The following MAGEA11 variants were observed in gnomAD, a reference collection of about 807,000 sequenced individuals.
MAGEA11 encodes the protein MAGE family member A11, also known as melanoma-associated antigen 11.
A neutral mutation model predicts 8.4 loss-of-function variants in MAGEA11; 1 was observed. That is an observed-to-expected ratio of 0.12 (90% CI 0.04 to 0.57). MAGEA11 has a LOEUF of 0.57. Among genes scored for constraint, MAGEA11 ranks in the 20% least tolerant of loss-of-function variants. MAGEA11 has a pLI of 0.91. For missense variants in MAGEA11, 209 were observed against 317.3 expected (o/e 0.66, Z 2.59); for synonymous variants, 127 against 119.3 (o/e 1.06, Z -0.42).
chrX:149,699,263 A>G (rs1481942769), intron 1 of MAGEA11, among the ~76,000 whole-genome samples: 1 of 111,884 alleles, frequency 8.9e-6, no homozygotes, highest in Non-Finnish European at 1.9e-5. Context: ...TTTTGGGCAG[A>G]TCTCACAAAG....
At chrX:149,691,138 C>T (rs1300118035) in intron 1 of MAGEA11, among the ~76,000 whole-genome samples, 1 of 110,545 alleles carries the variant, frequency 9.0e-6, no homozygotes, top group Non-Finnish European at 1.9e-5. Context: ...CTTGGTATAC[C>T]TTTATACATG....
exon 1 of MAGEA11, chrX:149,688,963 G>T: frequency 9.7e-7 from 1 of 1,027,010 alleles, no homozygotes; most frequent in Non-Finnish European, 1.3e-6. Flanking sequence ...ATTGATACAG[G>T]CTAGGAATAC....
intron 1 of MAGEA11, among the ~76,000 whole-genome samples, chrX:149,689,146 C>T (rs1347436054): frequency 8.9e-6 from 1 of 111,949 alleles, no homozygotes; most frequent in African/African-American, 3.3e-5. Flanking sequence ...CAACAGAGAA[C>T]CTGTGTCCTG....
In MAGEA11 at chrX:149,715,874, G is replaced by A. The variant is rs61737275; in HGVS notation, c.388G>A (p.Glu130Lys). 1.4e-3 allele frequency: 1,692 copies of A among 1,209,650 alleles called. 20 individuals carry two copies. In the African/African-American group the frequency reaches 0.026, roughly 18 times the overall value. ...CKPEEGLQAQ[E>K]EDLGLVGAQA... is the part of the protein sequence containing the mutation. ...GCCTGAGGAAGGCCTTCAGGCCCAAGAAGAAGACCTGGGCCTGGTGGGTGC... is the reference window on the plus strand; with the variant it reads ...GCCTGAGGAAGGCCTTCAGGCCCAAAAAGAAGACCTGGGCCTGGTGGGTGC... Residue 130 changes from glutamate (E) to lysine (K), a missense_variant, in exon 5 of 5, where the codon GAA (glutamate) becomes AAA (lysine). Glu to Lys is a moderately conservative substitution (Grantham distance 56). Coordinates refer to ENST00000355220, the MANE Select transcript of MAGEA11 (RefSeq NM_005366.5).
intron 1 of MAGEA11, among the ~76,000 whole-genome samples, chrX:149,696,080 G>A (rs1265661457): frequency 9.0e-6 from 1 of 111,050 alleles, no homozygotes; most frequent in African/African-American, 3.3e-5. Flanking sequence ...GGCTGAGTGG[G>A]GCCTGAGATG....
At chrX:149,701,269 G>A (rs1343050478) in intron 1 of MAGEA11, among the ~76,000 whole-genome samples, 23 of 104,757 alleles carry the variant, frequency 2.2e-4, no homozygotes, top group African/African-American at 8.0e-4. Flanking sequence ...TAACTGGTGT[G>A]AGATGGTATC....
chrX:149,699,649 C>T (rs1210715293), intron 1 of MAGEA11, among the ~76,000 whole-genome samples: 2 of 111,699 alleles, frequency 1.8e-5, no homozygotes, highest in Middle Eastern at 4.6e-3. Flanking sequence ...GTGTTCCCAA[C>T]TTGAGAAGGC....
Position 149,713,185 on chromosome X carries a change from G to A in MAGEA11, c.26G>A (p.Gly9Asp). 8.3e-7 allele frequency: 1 copy of A among 1,208,251 alleles called. No individual in the cohort carries two copies. Among genetic ancestry groups the A allele is most frequent in the Non-Finnish European group, 1.1e-6 (1 of 893,791 alleles). The change falls in exon 2 of 5, where the codon GGT (glycine) becomes GAT (aspartate). Residue 9 changes from glycine (G) to aspartate (D), a missense_variant. By Grantham distance (94) the Gly-to-Asp change is moderately conservative (BLOSUM62 -1). Around this residue, in one of 2 missense-constraint regions of MAGEA11, gnomAD observed 131 missense variants for 138.5 expected, o/e 0.95. Coordinates refer to ENST00000355220, the MANE Select transcript of MAGEA11 (RefSeq NM_005366.5). METQFRRG[G>D]LGCSPASIKR... ...ATGGAGACTCAGTTCCGCAGAGGGGGTCTGGGGTGCAGCCCTGCCAGCATC... is the reference window on the plus strand; with the variant it reads ...ATGGAGACTCAGTTCCGCAGAGGGGATCTGGGGTGCAGCCCTGCCAGCATC...
rs1489811998 is a variant in MAGEA11 at position 149,712,519 on chromosome X, G to A, written c.-18+357G>A. On this transcript the variant is annotated intron_variant, in intron 1 of 4. Coordinates refer to ENST00000355220, the MANE Select transcript of MAGEA11 (RefSeq NM_005366.5). Reference sequence around the variant, plus strand: ...CGGAGTTGCACATTAGGGGGTCAGAGAGAAGTGATAGCCCGGTTCTGAAGG... The same window carrying A: ...CGGAGTTGCACATTAGGGGGTCAGAAAGAAGTGATAGCCCGGTTCTGAAGG... 1.1e-4 allele frequency among the ~76,000 whole-genome samples: 12 copies of A among 111,687 alleles called. No individual in the cohort carries two copies. In the East Asian group the frequency reaches 2.9e-3, roughly 27 times the overall value.
At chrX:149,707,014 A>C (rs1052992229) in intron 1 of MAGEA11, among the ~76,000 whole-genome samples, 13 of 112,675 alleles carry the variant, frequency 1.2e-4, no homozygotes, top group Non-Finnish European at 1.1e-4. Context: ...GGATGTGAGG[A>C]GCACAAACCA....
rs782735516 is a variant in MAGEA11, at chrX:149,715,942, C to T, written c.456C>T (p.Ser152=). The change falls in exon 5 of 5, where the codon TCC becomes TCT. Residue 152 remains serine (S), a synonymous_variant. Coordinates refer to ENST00000355220, the MANE Select transcript of MAGEA11 (RefSeq NM_005366.5). The part of the protein sequence containing the change: ...QAEEQEAAFF[S]STLNVGTLEE... ...AGGAGCAGGAGGCTGCCTTCTTCTCCTCTACTCTGAATGTGGGCACTCTAG... is the reference window on the plus strand; with the variant it reads ...AGGAGCAGGAGGCTGCCTTCTTCTCTTCTACTCTGAATGTGGGCACTCTAG... 18 of 1,209,615 alleles carry T rather than the reference C, an allele frequency of 1.5e-5. No individual in the cohort carries two copies. The highest frequency in any genetic ancestry group is 2.0e-5 in the Non-Finnish European group (18 of 895,145).
upstream of MAGEA11, chrX:149,688,683 TACA>T (rs2090297446): frequency 4.7e-5 from 9 of 189,868 alleles, no homozygotes; most frequent in Middle Eastern, 3.8e-3. Context: ...CATATACATA[TACA>T]TATACATATA....
At chrX:149,711,933 C>T (rs2090402655), upstream of MAGEA11, 1 of 323,561 alleles carries the variant, frequency 3.1e-6, no homozygotes, top group Non-Finnish European at 4.0e-6. Flanking sequence ...CTGCCCCACC[C>T]CGCCCCGCCC....
chrX:149,700,507 A>G (rs2090347610), intron 1 of MAGEA11, among the ~76,000 whole-genome samples: 1 of 110,258 alleles, frequency 9.1e-6, no homozygotes, highest in Admixed American at 9.6e-5. Context: ...AAATTTGTGA[A>G]TATCTGAAAT....
intron 1 of MAGEA11, chrX:149,689,042 A>G (rs2090299715): frequency 3.2e-6 from 3 of 946,229 alleles, no homozygotes; most frequent in East Asian, 1.2e-4. Context: ...CCCAGGACCA[A>G]CTAATTCAGT....
chrX:149,699,814 G>A (rs1312993660), intron 1 of MAGEA11, among the ~76,000 whole-genome samples: 1 of 111,705 alleles, frequency 9.0e-6, no homozygotes, highest in Non-Finnish European at 1.9e-5. Flanking sequence ...ACCTGAAACT[G>A]AGTAATTATA....
At chrX:149,705,318 G>A (rs1557361366) in intron 1 of MAGEA11, among the ~76,000 whole-genome samples, 2 of 111,571 alleles carry the variant, frequency 1.8e-5, no homozygotes, top group African/African-American at 6.5e-5. Flanking sequence ...TCGTGATAGT[G>A]AATGAGTCTC....
chrX:149,698,494 T>A (rs1557360748), intron 1 of MAGEA11, among the ~76,000 whole-genome samples: 1 of 111,892 alleles, frequency 8.9e-6, no homozygotes. Flanking sequence ...CTTTTAATAT[T>A]GTTGGTAAAG....
At chrX:149,705,249 C>T (rs7060750) in intron 1 of MAGEA11, among the ~76,000 whole-genome samples, 33,369 of 110,978 alleles carry the variant, frequency 0.3, 4,649 homozygotes, top group East Asian at 0.95. Flanking sequence ...TCCCATGTGT[C>T]GTGAGAGGGA....
Sources: allele counts gnomAD v4.1 joint callset (sites outside exome capture counted in the v4.1 genomes callset), GRCh38; gene constraint gnomAD v4.1.1; regional missense constraint gnomAD v4.1.1; transcripts MANE v1.5; gene names NCBI Gene and HGNC (gene_info 2026-07-23, HGNC 2026-07-21).